Variants in GALNT2 observed in about 807,000 individuals in gnomAD.
The protein encoded by GALNT2 is polypeptide N-acetylgalactosaminyltransferase 2.
A neutral mutation model predicts 81.4 loss-of-function variants in GALNT2; 31 were observed. That is an observed-to-expected ratio of 0.38 (90% CI 0.29 to 0.51). The LOEUF is 0.51. Ranked by LOEUF, GALNT2 falls within the 20% of genes least tolerant of loss-of-function variation. The probability of loss-of-function intolerance (pLI) is 0.87; values close to 1 mark genes in which losing one functional copy is unlikely to be tolerated. For synonymous variants in GALNT2, 303 were observed against 287.4 expected (o/e 1.05, Z -0.55); for missense variants, 629 against 765.7 (o/e 0.82, Z 2.11).
At chr1:230,078,205 A>G (rs1046924935) in intron 1 of GALNT2, among the ~76,000 whole-genome samples, 1 of 152,160 alleles carries the variant, frequency 6.6e-6, no homozygotes, top group Admixed American at 6.5e-5. Flanking sequence ...TTCCTACTTT[A>G]TTAGTGGTTA....
chr1:230,174,865 C>T (rs1480811899), intron 1 of GALNT2, among the ~76,000 whole-genome samples: 1 of 152,188 alleles, frequency 6.6e-6, no homozygotes, highest in African/African-American at 2.4e-5. Context: ...TCTGGTACAC[C>T]CACCACCGCT....
intron 14 of GALNT2, among the ~76,000 whole-genome samples, chr1:230,267,077 T>C (rs529686408): frequency 2.0e-5 from 3 of 152,288 alleles, no homozygotes; most frequent in Admixed American, 2.0e-4. Context: ...ATTCCCGGGC[T>C]CAGTCCCCCT....
intron 3 of GALNT2, among the ~76,000 whole-genome samples, chr1:230,235,592 A>G (rs1281405971): frequency 1.3e-5 from 2 of 152,218 alleles, no homozygotes; most frequent in African/African-American, 2.4e-5. Context: ...GGAGTACCAC[A>G]TGCTTGTTGT....
In GALNT2 at chr1:230,279,346, GC is replaced by G; in HGVS notation, c.1605del (p.Ser536AlafsTer15). On this transcript the variant is annotated frameshift_variant, in exon 16 of 16. Transcript: ENST00000366672. LOFTEE classifies it high-confidence loss of function. The surrounding 1 kb of genome is among the most constrained non-coding windows in gnomAD (Gnocchi z 4.6). ...IEGNSKLRHV[G>X]SNLCLDSRTA... The stretch of plus-strand genomic sequence containing the variant: ...GGCAACTCCAAGCTGAGGCACGTGG[GC>G]AGCAACCTGTGCCTGGACAGTCGCA... 1 of 1,614,160 alleles carries G rather than the reference GC, an allele frequency of 6.2e-7. No homozygotes were observed. The highest frequency in any genetic ancestry group is 8.5e-7 in the Non-Finnish European group (1 of 1,180,030).
chr1:230,252,843 C>CTTTTTTTTTTTTTTTTTTTTTTTT (rs58544942), intron 10 of GALNT2, among the ~76,000 whole-genome samples: 1 of 78,946 alleles, frequency 1.3e-5, no homozygotes, highest in Admixed American at 1.9e-4. Flanking sequence ...GAGACAACTT[C>CTTTTTTTTTTTTTTTTTTTTTTTT]TTTTTTTTTT....
chr1:230,266,463 T>C (rs947984272), intron 14 of GALNT2, among the ~76,000 whole-genome samples: 1 of 152,216 alleles, frequency 6.6e-6, no homozygotes, highest in Admixed American at 6.5e-5. Flanking sequence ...TCCGTGTGTG[T>C]ATCCTGAATG....
chr1:230,169,074 T>C (rs572951083), intron 1 of GALNT2, among the ~76,000 whole-genome samples: 2 of 152,176 alleles, frequency 1.3e-5, no homozygotes, highest in African/African-American at 2.4e-5. Context: ...TTCTCATGAT[T>C]AGATGAGAGT....
intron 1 of GALNT2, among the ~76,000 whole-genome samples, chr1:230,170,878 G>A (rs72651068): frequency 0.012 from 1,831 of 152,216 alleles, 20 homozygotes; most frequent in Non-Finnish European, 0.019. Context: ...CCCCCATGAC[G>A]CAAACACCCC....
intron 3 of GALNT2, among the ~76,000 whole-genome samples, chr1:230,204,243 A>G (rs1354663690): frequency 2.6e-5 from 4 of 151,282 alleles, no homozygotes; most frequent in Non-Finnish European, 5.9e-5. Context: ...GCTCACTGCA[A>G]CCTCTACTCC....
chr1:230,156,614 A>G (rs1263969539), intron 1 of GALNT2, among the ~76,000 whole-genome samples: 2 of 152,212 alleles, frequency 1.3e-5, no homozygotes, highest in African/African-American at 4.8e-5. Context: ...CCCTTAAACT[A>G]TCACATTTTC....
Position 230,243,561 on chromosome 1 carries a change from G to A in GALNT2, c.729+134G>A. The A allele has an allele frequency of 8.7e-7, 1 of 1,151,778 alleles. No homozygotes were observed. Among genetic ancestry groups the A allele is most frequent in the Non-Finnish European group, 1.2e-6 (1 of 855,908 alleles). 71.3% of individuals were successfully genotyped at this position (1,151,778 alleles called of 1,614,324 possible). A position where few individuals can be genotyped will look rare whatever the true frequency, so the allele number is the denominator to read the frequency against. On this transcript the variant is annotated intron_variant, in intron 7 of 15. Transcript: ENST00000366672. This position sits in a 1 kb window ranked among gnomAD's most constrained non-coding sequence, Gnocchi z 4.2. The stretch of plus-strand genomic sequence containing the variant: ...CTGGTAGGGGCTGAGCTCGCCGTCT[G>A]CAGTTTTCCTTGATAGAAGGAAAAT...
chr1:230,199,462 G>A (rs905522462), intron 2 of GALNT2, among the ~76,000 whole-genome samples: 2 of 152,176 alleles, frequency 1.3e-5, no homozygotes, highest in Admixed American at 6.5e-5. Flanking sequence ...ATCATTAGGT[G>A]GTGAAGCCAG....
upstream of GALNT2, among the ~76,000 whole-genome samples, chr1:230,066,516 T>A (rs1659185095): frequency 6.6e-6 from 1 of 152,174 alleles, no homozygotes; most frequent in African/African-American, 2.4e-5. Context: ...TCCTACCAAC[T>A]CAAAACCTCC....
intron 1 of GALNT2, among the ~76,000 whole-genome samples, chr1:230,133,246 A>G (rs1031816701): frequency 2.0e-5 from 3 of 152,188 alleles, no homozygotes; most frequent in African/African-American, 7.2e-5. Flanking sequence ...TAGATTTCTA[A>G]AAGTGGAATT....
At chr1:230,255,818 G>A (rs1665694608) in intron 11 of GALNT2, among the ~76,000 whole-genome samples, 1 of 152,146 alleles carries the variant, frequency 6.6e-6, no homozygotes, top group African/African-American at 2.4e-5. Flanking sequence ...TTTTAAAGAA[G>A]AAAGTTCATT....
intron 1 of GALNT2, among the ~76,000 whole-genome samples, chr1:230,135,933 G>C (rs1281276537): frequency 6.6e-6 from 1 of 151,884 alleles, no homozygotes; most frequent in Non-Finnish European, 1.5e-5. Context: ...TCTCAGGCGA[G>C]CTCCCCACCT....
At chr1:230,211,337 C>T (rs547671769) in intron 3 of GALNT2, among the ~76,000 whole-genome samples, 1 of 152,302 alleles carries the variant, frequency 6.6e-6, no homozygotes, top group African/African-American at 2.4e-5. Context: ...CTTCTCTAGG[C>T]TTAGCTGTTC....
chr1:230,073,498 G>A (rs1448888566), intron 1 of GALNT2, among the ~76,000 whole-genome samples: 1 of 152,204 alleles, frequency 6.6e-6, no homozygotes, highest in Admixed American at 6.5e-5. Context: ...TGAAACACTG[G>A]CATTTTTGCA....
Position 230,250,539 on chromosome 1 carries a change from G to A in GALNT2, c.988G>A (p.Val330Met). The change falls in exon 10 of 16, where the codon GTG becomes ATG. Residue 330 changes from valine (V) to methionine (M), a missense_variant. By Grantham distance (21) the Val-to-Met change is conservative (BLOSUM62 1). Transcript: ENST00000366672. ...ELGKYDMMMD[V>M]WGGENLEISF... ...GGGGAAGTACGACATGATGATGGATGTGTGGGGAGGAGAGAACCTAGGTAT... is the reference window on the plus strand; with the variant it reads ...GGGGAAGTACGACATGATGATGGATATGTGGGGAGGAGAGAACCTAGGTAT... The A allele has an allele frequency of 6.2e-7, 1 of 1,612,910 alleles. No homozygotes were observed. The highest frequency in any genetic ancestry group is 8.5e-7 in the Non-Finnish European group (1 of 1,179,356).
Sources: allele counts gnomAD v4.1 joint callset (sites outside exome capture counted in the v4.1 genomes callset), GRCh38; gene constraint gnomAD v4.1.1; non-coding constraint Gnocchi (gnomAD v3.1); transcripts MANE v1.5; gene names NCBI Gene and HGNC (gene_info 2026-07-23, HGNC 2026-07-21).